Variants in CDH13 observed in about 807,000 individuals in gnomAD.
CDH13 encodes cadherin-13.
CDH13 carries 24 observed loss-of-function variants against 63.8 expected under a neutral mutation model. The ratio of observed to expected loss-of-function variants is 0.38; its 90% confidence interval spans 0.27 to 0.53. The LOEUF (loss-of-function observed/expected upper bound fraction) is 0.53, where lower values mean the gene tolerates loss of function less well. Among genes scored for constraint, CDH13 ranks in the 20% least tolerant of loss-of-function variants. The pLI is 0.85. For synonymous variants in CDH13, 503 were observed against 355.3 expected, an observed-to-expected ratio of 1.42 and a Z score of -4.67; for missense variants, 1,049 against 903.1, an observed-to-expected ratio of 1.16 and a Z score of -2.07.
rs1243283559 is a variant in CDH13 at position 83,104,551 on chromosome 16, C to G, written c.367-20834C>G. Among the ~76,000 whole-genome samples the G allele has an allele frequency of 2.7e-5, 3 of 111,652 alleles. No individual in the cohort carries two copies. The South Asian group carries it at 8.6e-4, about 32-fold the overall frequency. 73.2% of individuals were successfully genotyped at this position (111,652 alleles called of 152,430 possible). Reference sequence around the variant, plus strand: ...AGTGTTTTAATTAAAATGTCTTTAGCAAAAAAGGAAGAAGAATAGTACTTG... The same window carrying G: ...AGTGTTTTAATTAAAATGTCTTTAGGAAAAAAGGAAGAAGAATAGTACTTG... On this transcript the variant is annotated intron_variant, in intron 3 of 13. Transcript: ENST00000567109.
chr16:83,466,978 GTC>G (rs2073332649), intron 6 of CDH13, among the ~76,000 whole-genome samples: 1 of 152,034 alleles, frequency 6.6e-6, no homozygotes, highest in African/African-American at 2.4e-5. Flanking sequence ...CCTCCTGATA[GTC>G]TCTGCTTTAT....
intron 2 of CDH13, among the ~76,000 whole-genome samples, chr16:82,928,203 C>G (rs150509172): frequency 4.6e-5 from 7 of 151,228 alleles, no homozygotes; most frequent in Non-Finnish European, 8.9e-5. Flanking sequence ...CGTGTGTAAT[C>G]CACATAAGGC....
intron 6 of CDH13, among the ~76,000 whole-genome samples, chr16:83,437,998 C>T: frequency 6.6e-6 from 1 of 152,160 alleles, no homozygotes; most frequent in East Asian, 1.9e-4. Flanking sequence ...ATGCTCCTAT[C>T]CTCTCTGCTT....
At chr16:83,507,622 C>A (rs774340169) in intron 7 of CDH13, among the ~76,000 whole-genome samples, 9 of 152,176 alleles carry the variant, frequency 5.9e-5, no homozygotes, top group Non-Finnish European at 1.2e-4. Context: ...CTAATGCTAG[C>A]CTTCCTGTGG....
Position 83,403,482 on chromosome 16 carries a change from G to A in CDH13, c.781+58476G>A, listed in dbSNP as rs186588275. ...ACTAAAAACACAAAAAATTAGCCAG[G>A]TGTGGTCGCGCGCGCCTGTAGTCCC... On this transcript the variant is annotated intron_variant, in intron 6 of 13. Transcript: ENST00000567109. 4.5e-3 allele frequency among the ~76,000 whole-genome samples: 688 copies of A among 152,252 alleles called. 1 individual carries two copies. The highest frequency in any genetic ancestry group is 0.017 in the Middle Eastern group (5 of 294).
At chr16:83,719,570 T>C (rs1909405940) in intron 10 of CDH13, among the ~76,000 whole-genome samples, 1 of 152,172 alleles carries the variant, frequency 6.6e-6, no homozygotes, top group Non-Finnish European at 1.5e-5. Flanking sequence ...TATGAGGATG[T>C]ACTAGGAGCG....
intron 10 of CDH13, among the ~76,000 whole-genome samples, chr16:83,746,896 C>T (rs995826074): frequency 6.6e-6 from 1 of 152,144 alleles, no homozygotes; most frequent in Non-Finnish European, 1.5e-5. Context: ...AAAAGAGCAA[C>T]CTCAAAACAA....
At chr16:83,318,290 T>C (rs2090147730) in intron 5 of CDH13, among the ~76,000 whole-genome samples, 1 of 152,222 alleles carries the variant, frequency 6.6e-6, no homozygotes, top group South Asian at 2.1e-4. Flanking sequence ...CTTTCTCTTT[T>C]CTTTAAACTT....
At chr16:83,548,053 A>G (rs1299159708) in intron 7 of CDH13, among the ~76,000 whole-genome samples, 1 of 152,076 alleles carries the variant, frequency 6.6e-6, no homozygotes, top group Non-Finnish European at 1.5e-5. Flanking sequence ...TGAGTCTGGA[A>G]TTATCACCTG....
chr16:82,966,303 C>T (rs1034834911), intron 2 of CDH13, among the ~76,000 whole-genome samples: 7 of 151,470 alleles, frequency 4.6e-5, no homozygotes, highest in Non-Finnish European at 1.0e-4. Flanking sequence ...CGCCCGCCAC[C>T]ACGCCCAGCT....
chr16:83,644,629 C>T (rs1328090517), intron 8 of CDH13, among the ~76,000 whole-genome samples: 1 of 152,124 alleles, frequency 6.6e-6, no homozygotes, highest in East Asian at 1.9e-4. Context: ...AGATTCCTAG[C>T]CTGCTCCACT....
At chr16:83,664,306 T>A (rs1459286590) in intron 8 of CDH13, among the ~76,000 whole-genome samples, 1 of 152,148 alleles carries the variant, frequency 6.6e-6, no homozygotes, top group Non-Finnish European at 1.5e-5. Flanking sequence ...AAGGACTTAG[T>A]AGGTTCCAAT....
intron 4 of CDH13, chr16:83,171,694 G>A (rs1004023482): frequency 1.6e-5 from 12 of 757,266 alleles, no homozygotes; most frequent in African/African-American, 5.2e-5. Context: ...TGGCAGGCAC[G>A]CCTCTCCCAT....
chr16:83,219,208 C>T (rs1047350971), intron 5 of CDH13, among the ~76,000 whole-genome samples: 5 of 152,304 alleles, frequency 3.3e-5, no homozygotes, highest in African/African-American at 9.6e-5. Flanking sequence ...TTACAGCTAA[C>T]GCTTCTGAGG....
intron 1 of CDH13, among the ~76,000 whole-genome samples, chr16:82,721,205 A>G (rs2032749316): frequency 6.6e-6 from 1 of 152,162 alleles, no homozygotes; most frequent in African/African-American, 2.4e-5. Context: ...AAAAAGCATA[A>G]GACATTGCCC....
intron 6 of CDH13, among the ~76,000 whole-genome samples, chr16:83,388,866 C>G (rs1329975001): frequency 1.3e-5 from 2 of 152,204 alleles, no homozygotes; most frequent in South Asian, 4.1e-4. Flanking sequence ...CCTACTGAAT[C>G]AGAATCTGCC....
In CDH13 at chr16:82,627,133, C is replaced by A. The variant is rs753448816; in HGVS notation, c.41C>A (p.Ser14Tyr). The change falls in exon 1 of 14, where the codon TCC (serine) becomes TAC (tyrosine). Residue 14 changes from serine to tyrosine, a missense_variant. Transcript: ENST00000567109. ...RTPLVLCVLL[S>Y]QVLLLTSAED... ...CCGCTCGTTCTGTGCGTTCTCCTGT[C>A]CCAGGTAGGGAAGAGGGGCTGCCGG... 42 of 1,606,856 alleles carry A rather than the reference C, an allele frequency of 2.6e-5. No homozygotes were observed. The highest frequency in any genetic ancestry group is 1.9e-4 in the Admixed American group (11 of 59,238).
chr16:82,775,739 G>T (rs574323269), intron 1 of CDH13, among the ~76,000 whole-genome samples: 2 of 152,098 alleles, frequency 1.3e-5, no homozygotes, highest in Admixed American at 1.3e-4. Flanking sequence ...AGATCAGTTG[G>T]GTAAAGCTCT....
intron 6 of CDH13, among the ~76,000 whole-genome samples, chr16:83,428,286 C>T (rs569512987): frequency 5.9e-5 from 9 of 152,030 alleles, no homozygotes; most frequent in Admixed American, 5.2e-4. Context: ...AAACAGTGAA[C>T]TAGCTCAAGA....
Sources: gnomAD v4.1 joint callset for allele counts (sites outside exome capture counted in the v4.1 genomes callset) on GRCh38, gnomAD v4.1.1 for gene constraint, MANE v1.5 for transcripts, NCBI Gene and HGNC (gene_info 2026-07-23, HGNC 2026-07-21) for gene names.